The following CTNNA2 variants were observed in gnomAD, a reference collection of about 807,000 sequenced individuals.
CTNNA2 encodes the protein catenin alpha-2.
In CTNNA2, 42 loss-of-function variants were observed where a neutral mutation model predicts 101.0. The observed-to-expected ratio is 0.42, with a 90% confidence interval of 0.32 to 0.54. The LOEUF is 0.54. Among genes scored for constraint, CTNNA2 ranks in the 20% least tolerant of loss-of-function variants. The pLI is 0.14. For synonymous variants in CTNNA2, 450 were observed against 456.4 expected (o/e 0.99, Z 0.18); for missense variants, 871 against 1,223.1 (o/e 0.71, Z 4.29).
intron 5 of CTNNA2, among the ~76,000 whole-genome samples, chr2:79,506,209 TTACCTCTGTAGAGGTAG>T (rs1269048950): frequency 3.3e-5 from 5 of 152,160 alleles, no homozygotes; most frequent in Non-Finnish European, 7.4e-5. Flanking sequence ...GTCTTTGAAA[TTACCTCTGTAGAGGTAG>T]GTGGTTTAAA....
chr2:80,239,919 A>G lies in CTNNA2; in HGVS notation c.1057-153292A>G, dbSNP rs190191918. 2.7e-3 allele frequency among the ~76,000 whole-genome samples: 409 copies of G among 152,208 alleles called. 1 individual carries two copies. Among genetic ancestry groups the G allele is most frequent in the Admixed American group, 4.5e-3 (69 of 15,294 alleles). ...AAGAGCAAGACTCCATCTCAAAAAAAAAAACAAAAAACAAAACAAAACAAA... is the reference window on the plus strand; with the variant it reads ...AAGAGCAAGACTCCATCTCAAAAAAGAAAACAAAAAACAAAACAAAACAAA... On this transcript the variant is annotated intron_variant, in intron 7 of 18. Coordinates refer to ENST00000402739, the MANE Select transcript of CTNNA2 (RefSeq NM_001282597.3).
rs1234820642 is a variant in CTNNA2 at position 80,648,352 on chromosome 2, A to T, written c.*480A>T. 1 of 152,700 alleles carries T rather than the reference A, an allele frequency of 6.5e-6. No individual in the cohort carries two copies. The highest frequency in any genetic ancestry group is 1.5e-5 in the Non-Finnish European group (1 of 68,108). 9.5% of individuals were successfully genotyped at this position (152,700 alleles called of 1,614,324 possible). ...CTTAAGTGTGTGGCCCATGAATTGAACAATTTAACCTTGAAGTCTATATCC... is the reference window on the plus strand; with the variant it reads ...CTTAAGTGTGTGGCCCATGAATTGATCAATTTAACCTTGAAGTCTATATCC... On this transcript the variant is annotated 3_prime_UTR_variant, in exon 19 of 19. Transcript: ENST00000402739.
chr2:79,660,103 A>G (rs1368657194), intron 2 of CTNNA2, among the ~76,000 whole-genome samples: 1 of 152,006 alleles, frequency 6.6e-6, no homozygotes, highest in Non-Finnish European at 1.5e-5. Context: ...ATACATATGT[A>G]TATATACATA....
intron 7 of CTNNA2, among the ~76,000 whole-genome samples, chr2:80,096,131 G>A (rs1419975089): frequency 6.6e-6 from 1 of 151,690 alleles, no homozygotes; most frequent in Non-Finnish European, 1.5e-5. Context: ...GCTTTCTCTT[G>A]TGGGCATTTA....
intron 7 of CTNNA2, among the ~76,000 whole-genome samples, chr2:80,205,529 A>G (rs1707479101): frequency 6.6e-6 from 1 of 152,202 alleles, no homozygotes; most frequent in Non-Finnish European, 1.5e-5. Flanking sequence ...TATGGTGAAA[A>G]ATTTCCCTGA....
chr2:79,889,279 C>G (rs772977832), intron 6 of CTNNA2, among the ~76,000 whole-genome samples: 2 of 152,228 alleles, frequency 1.3e-5, no homozygotes, highest in Non-Finnish European at 2.9e-5. Context: ...TCTTTTCCAG[C>G]AGAATATTAT....
chr2:80,239,245 A>C (rs1290890716), intron 7 of CTNNA2, among the ~76,000 whole-genome samples: 1 of 152,162 alleles, frequency 6.6e-6, no homozygotes, highest in Non-Finnish European at 1.5e-5. Context: ...TGCTGGGAGA[A>C]TTTCAGTGCT....
chr2:79,416,480 G>T (rs916383152), intron 4 of CTNNA2, among the ~76,000 whole-genome samples: 2 of 151,868 alleles, frequency 1.3e-5, no homozygotes, highest in Admixed American at 6.6e-5. Context: ...GTAGACATCA[G>T]CACAGCATGC....
At chr2:80,226,672 G>A (rs1708906300) in intron 7 of CTNNA2, among the ~76,000 whole-genome samples, 1 of 152,094 alleles carries the variant, frequency 6.6e-6, no homozygotes, top group Non-Finnish European at 1.5e-5. Flanking sequence ...GCTTGAATTT[G>A]GGAAGCCTTT....
chr2:79,595,231 C>T (rs1280039329), intron 1 of CTNNA2, among the ~76,000 whole-genome samples: 1 of 152,116 alleles, frequency 6.6e-6, no homozygotes, highest in Non-Finnish European at 1.5e-5. Context: ...CATTCTATTT[C>T]CTAAATATAT....
At chr2:79,886,136 T>C (rs910005641) in intron 6 of CTNNA2, among the ~76,000 whole-genome samples, 1 of 152,210 alleles carries the variant, frequency 6.6e-6, no homozygotes, top group Non-Finnish European at 1.5e-5. Flanking sequence ...TAACCTATTA[T>C]GTGTGCGTAA....
At position 79,928,083 on chromosome 2, in the gene CTNNA2, T is replaced by C. The variant is rs1249417929; in HGVS notation, c.1056+18286T>C. Among the ~76,000 whole-genome samples the C allele has an allele frequency of 3.3e-5, 5 of 152,234 alleles. No individual in the cohort carries two copies. The East Asian group carries it at 9.6e-4, about 29-fold the overall frequency. ...GTTGAATCTTAAGGGGTCATTTAGC[T>C]TTCACAGGTATTCTTTAATTGTACC... On this transcript the variant is annotated intron_variant, in intron 7 of 18. Coordinates refer to ENST00000402739, the MANE Select transcript of CTNNA2 (RefSeq NM_001282597.3).
intron 7 of CTNNA2, among the ~76,000 whole-genome samples, chr2:80,070,060 G>A (rs1162121476): frequency 1.3e-5 from 2 of 152,088 alleles, no homozygotes; most frequent in Non-Finnish European, 2.9e-5. Context: ...AATTTGCCCT[G>A]GTTAGTCTGG....
In CTNNA2 at chr2:80,066,788, A is replaced by C. The variant is rs185190937; in HGVS notation, c.1056+156991A>C. ...ATGTTGAAAAGATATATGCACTTCC[A>C]TGTTCATTGCAGCGTTATTCACAAT... On this transcript the variant is annotated intron_variant, in intron 7 of 18. Transcript: ENST00000402739. Among the ~76,000 whole-genome samples the C allele has an allele frequency of 1.3e-3, 201 of 152,330 alleles. 1 individual carries two copies. The highest frequency in any genetic ancestry group is 2.7e-3 in the Admixed American group (41 of 15,300).
intron 1 of CTNNA2, among the ~76,000 whole-genome samples, chr2:79,571,678 A>G (rs1477637089): frequency 2.0e-5 from 3 of 152,264 alleles, no homozygotes; most frequent in African/African-American, 4.8e-5. Context: ...ATAATTCCCC[A>G]TAGCCTGCAG....
Position 80,108,141 on chromosome 2 carries a change from A to G in CTNNA2, c.1056+198344A>G, listed in dbSNP as rs184716531. Among the ~76,000 whole-genome samples the G allele has an allele frequency of 1.6e-4, 24 of 152,314 alleles. 1 individual carries two copies. The highest frequency in any genetic ancestry group is 2.5e-4 in the Non-Finnish European group (17 of 68,028). On this transcript the variant is annotated intron_variant, in intron 7 of 18. Transcript: ENST00000402739. ...CATTTTAATGAGAATCAAGCAGAGT[A>G]AAAAACCAAAGGAATGAAACATCTA... is the stretch of plus-strand genomic sequence containing the variant.
chr2:79,651,675 A>T lies in CTNNA2; in HGVS notation c.102+17A>T. The T allele has an allele frequency of 6.2e-7, 1 of 1,601,304 alleles. No homozygotes were observed. The highest frequency in any genetic ancestry group is 2.2e-5 in the East Asian group (1 of 44,782). ...GTTACACAGGTAAGGGATGCTTTGA[A>T]ACCACTTTGTTATATATGTGTTTCT... On this transcript the variant is annotated intron_variant, in intron 2 of 18. Coordinates refer to ENST00000402739, the MANE Select transcript of CTNNA2 (RefSeq NM_001282597.3).
At chr2:80,067,708 G>T (rs1033044658) in intron 7 of CTNNA2, among the ~76,000 whole-genome samples, 2 of 152,146 alleles carry the variant, frequency 1.3e-5, no homozygotes, top group South Asian at 2.1e-4. Context: ...TGGAGGCTAG[G>T]TCATAAAAGA....
chr2:80,233,533 A>G (rs1310042707), intron 7 of CTNNA2, among the ~76,000 whole-genome samples: 3 of 152,182 alleles, frequency 2.0e-5, no homozygotes, highest in Non-Finnish European at 2.9e-5. Flanking sequence ...TAATTTTAGC[A>G]TATGACACAT....
Sources: gnomAD v4.1 joint callset for allele counts (sites outside exome capture counted in the v4.1 genomes callset) on GRCh38, gnomAD v4.1.1 for gene constraint, MANE v1.5 for transcripts, NCBI Gene and HGNC (gene_info 2026-07-23, HGNC 2026-07-21) for gene names.